The following TMEM117 variants were observed in gnomAD, a reference collection of about 807,000 sequenced individuals.
TMEM117 encodes transmembrane protein 117.
In TMEM117, 27 loss-of-function variants were observed where a neutral mutation model predicts 52.4. The observed-to-expected ratio is 0.51, with a 90% confidence interval of 0.38 to 0.71. The LOEUF (loss-of-function observed/expected upper bound fraction) is 0.71. Ranked by LOEUF, TMEM117 falls within the 30% of genes least tolerant of loss-of-function variation. The pLI, the probability that TMEM117 is intolerant of heterozygous loss-of-function variation, is 0.00. For missense variants in TMEM117, 556 were observed against 630.5 expected (o/e 0.88, Z 1.26); for synonymous variants, 215 against 206.3 (o/e 1.04, Z -0.36).
intron 2 of TMEM117, among the ~76,000 whole-genome samples, chr12:43,873,614 AAACTG>A (rs1943742609): frequency 6.6e-6 from 1 of 152,044 alleles, no homozygotes; most frequent in Non-Finnish European, 1.5e-5. Context: ...TAAAAAAAGA[AAACTG>A]TACTCACTTT....
At chr12:44,330,140 A>G (rs2138721909) in intron 6 of TMEM117, among the ~76,000 whole-genome samples, 1 of 152,074 alleles carries the variant, frequency 6.6e-6, no homozygotes, top group East Asian at 1.9e-4. Context: ...ATTTCTCCAC[A>G]TCCTCTCCAA....
chr12:44,223,766 T>G (rs1222435529), intron 5 of TMEM117, among the ~76,000 whole-genome samples: 2 of 152,174 alleles, frequency 1.3e-5, no homozygotes, highest in East Asian at 3.9e-4. Context: ...CAACCAGAGC[T>G]TATACAGGCT....
At chr12:44,166,652 A>G (rs1189984688) in intron 4 of TMEM117, among the ~76,000 whole-genome samples, 1 of 152,186 alleles carries the variant, frequency 6.6e-6, no homozygotes, top group Non-Finnish European at 1.5e-5. Context: ...TACTTAAATG[A>G]TCATGCTGCT....
intron 3 of TMEM117, among the ~76,000 whole-genome samples, chr12:44,107,345 A>G (rs1947974654): frequency 6.6e-6 from 1 of 152,122 alleles, no homozygotes; most frequent in Non-Finnish European, 1.5e-5. Flanking sequence ...CTCTTTTAAG[A>G]AACATTTATT....
At chr12:43,966,579 T>A (rs534262942) in intron 3 of TMEM117, among the ~76,000 whole-genome samples, 11 of 152,308 alleles carry the variant, frequency 7.2e-5, no homozygotes, top group Non-Finnish European at 1.5e-4. Flanking sequence ...AATCTTCACC[T>A]TGATGCACAC....
intron 2 of TMEM117, among the ~76,000 whole-genome samples, chr12:43,923,608 A>G (rs1944730000): frequency 6.6e-6 from 1 of 152,218 alleles, no homozygotes; most frequent in Non-Finnish European, 1.5e-5. Flanking sequence ...GCTAATTCAA[A>G]TGATATTATA....
intron 5 of TMEM117, among the ~76,000 whole-genome samples, chr12:44,258,374 TAA>T (rs1299718134): frequency 6.6e-6 from 1 of 152,142 alleles, no homozygotes; most frequent in Non-Finnish European, 1.5e-5. Context: ...TTCAAGAGTT[TAA>T]AAGACTTGTA....
At chr12:44,365,628 G>T (rs141488191) in intron 6 of TMEM117, among the ~76,000 whole-genome samples, 1 of 152,048 alleles carries the variant, frequency 6.6e-6, no homozygotes, top group African/African-American at 2.4e-5. Flanking sequence ...ATATATTTGC[G>T]TGTGGTTTAC....
At position 44,145,814 on chromosome 12, in the gene TMEM117, A is replaced by G. The variant is rs1450110764; in HGVS notation, c.510+2190A>G. Among the ~76,000 whole-genome samples, 7 of 152,218 alleles carry G rather than the reference A, an allele frequency of 4.6e-5. No individual in the cohort carries two copies. The East Asian group carries it at 5.8e-4, about 13-fold the overall frequency. On this transcript the variant is annotated intron_variant, in intron 4 of 7. Transcript: ENST00000266534. ...CTTTTGTCTTATACTGAACCTGACAAAAGTTAGAGGAGAAACAATGAACCA... is the reference window on the plus strand; with the variant it reads ...CTTTTGTCTTATACTGAACCTGACAGAAGTTAGAGGAGAAACAATGAACCA...
chr12:43,978,903 G>T (rs530053878), intron 3 of TMEM117, among the ~76,000 whole-genome samples: 1 of 151,386 alleles, frequency 6.6e-6, no homozygotes, highest in Admixed American at 6.6e-5. Context: ...TATTAATCTT[G>T]TTGGGGAATG....
intron 2 of TMEM117, among the ~76,000 whole-genome samples, chr12:43,941,186 A>C (rs987829452): frequency 2.0e-5 from 3 of 152,228 alleles, no homozygotes. Context: ...ATCTGTGATT[A>C]AAATAGTCAT....
At chr12:44,156,451 G>A (rs1336264659) in intron 4 of TMEM117, among the ~76,000 whole-genome samples, 1 of 152,020 alleles carries the variant, frequency 6.6e-6, no homozygotes, top group East Asian at 1.9e-4. Flanking sequence ...AAATTTGTCT[G>A]CATACTGGAA....
chr12:44,397,057 C>T, the TMEM117 span, among the ~76,000 whole-genome samples: 6 of 151,918 alleles, frequency 3.9e-5, no homozygotes, highest in African/African-American at 7.3e-5. Context: ...CAATTTAAAG[C>T]GAGTATCCCA....
chr12:44,058,689 A>C (rs920754566), intron 3 of TMEM117, among the ~76,000 whole-genome samples: 2 of 152,212 alleles, frequency 1.3e-5, no homozygotes, highest in Non-Finnish European at 2.9e-5. Flanking sequence ...TACTACAGTA[A>C]ATTGTATTGT....
chr12:43,805,987 C>G, the TMEM117 span: 1 of 1,537,514 alleles, frequency 6.5e-7, no homozygotes, highest in Non-Finnish European at 8.7e-7. Flanking sequence ...TTCGCTCCCC[C>G]GAATTTCGGA....
the TMEM117 span, among the ~76,000 whole-genome samples, chr12:43,820,581 ATT>A: frequency 0.19 from 25,213 of 134,948 alleles, 2,252 homozygotes; most frequent in Middle Eastern, 0.33. Flanking sequence ...CCACAGGCGT[ATT>A]TTTTTTTTTT....
intron 4 of TMEM117, among the ~76,000 whole-genome samples, chr12:44,186,908 A>C (rs11834090): frequency 0.078 from 11,822 of 152,198 alleles, 1,388 homozygotes; most frequent in African/African-American, 0.26. Context: ...AATTCTTGAG[A>C]GTTTACACGG....
chr12:43,884,410 C>A (rs915472597), intron 2 of TMEM117, among the ~76,000 whole-genome samples: 3 of 152,064 alleles, frequency 2.0e-5, no homozygotes, highest in Non-Finnish European at 2.9e-5. Context: ...CCCAAAAAGG[C>A]TATTTTTAGA....
intron 6 of TMEM117, among the ~76,000 whole-genome samples, chr12:44,328,106 G>T (rs1951220678): frequency 6.6e-6 from 1 of 152,124 alleles, no homozygotes; most frequent in Admixed American, 6.6e-5. Context: ...AAAAACCCTA[G>T]CTTTTTCTCC....
Sources: gnomAD v4.1 joint callset for allele counts (sites outside exome capture counted in the v4.1 genomes callset) on GRCh38, gnomAD v4.1.1 for gene constraint, MANE v1.5 for transcripts, NCBI Gene and HGNC (gene_info 2026-07-23, HGNC 2026-07-21) for gene names.